CCDC85A: variants seen among roughly 807,000 people sequenced by gnomAD.
The protein encoded by CCDC85A is coiled-coil domain containing 85A.
Under a neutral mutation model 50.2 loss-of-function variants are expected in CCDC85A, and 38 were observed. That is an observed-to-expected ratio of 0.76 (90% CI 0.58 to 0.99). The LOEUF is 0.99. Among genes scored for constraint, CCDC85A ranks in the 50% least tolerant of loss-of-function variants. The pLI is 0.00. For synonymous variants in CCDC85A, 366 were observed against 301.4 expected (o/e 1.21, Z -2.22); for missense variants, 820 against 742.0 (o/e 1.11, Z -1.22).
intron 3 of CCDC85A, among the ~76,000 whole-genome samples, chr2:56,362,627 G>T (rs1297513887): frequency 3.3e-5 from 5 of 151,058 alleles, no homozygotes; most frequent in Admixed American, 3.3e-4. Context: ...ATGAAGTCTC[G>T]CTCTGTTGCC....
At chr2:56,377,942 T>A (rs1676416135) in intron 5 of CCDC85A, among the ~76,000 whole-genome samples, 1 of 152,066 alleles carries the variant, frequency 6.6e-6, no homozygotes, top group Non-Finnish European at 1.5e-5. Flanking sequence ...TTATGTTATA[T>A]TCAGTACACA....
chr2:56,352,817 G>T (rs1397579013), intron 3 of CCDC85A, among the ~76,000 whole-genome samples: 1 of 152,154 alleles, frequency 6.6e-6, no homozygotes, highest in East Asian at 1.9e-4. Context: ...TCAAGAACTA[G>T]TTCTTTGCCT....
At chr2:56,229,269 C>T (rs954114595) in intron 2 of CCDC85A, among the ~76,000 whole-genome samples, 5 of 152,136 alleles carry the variant, frequency 3.3e-5, no homozygotes, top group East Asian at 1.9e-4. Flanking sequence ...CTTAATTATA[C>T]GTGATTAAGA....
At position 56,192,922 on chromosome 2, in the gene CCDC85A, G is replaced by T. The variant is rs532033334; in HGVS notation, c.722G>T (p.Arg241Leu). 1 of 1,611,878 alleles carries T rather than the reference G, an allele frequency of 6.2e-7. No individual in the cohort carries two copies. Residue 241 changes from arginine to leucine, a missense_variant, in exon 2 of 6, where the codon CGG becomes CTG. Arg to Leu is a moderately radical substitution (Grantham distance 102). Transcript: ENST00000407595. The surrounding 1 kb of genome is among the most constrained non-coding windows in gnomAD (Gnocchi z 4.7). The part of the protein sequence containing the change: ...SGSPEHLQKP[R>L]SEGSPEHSKH... ...AGCCCGGAGCACCTGCAGAAGCCCCGGAGCGAGGGCAGCCCGGAGCACTCC... is the reference window on the plus strand; with the variant it reads ...AGCCCGGAGCACCTGCAGAAGCCCCTGAGCGAGGGCAGCCCGGAGCACTCC...
intron 2 of CCDC85A, among the ~76,000 whole-genome samples, chr2:56,336,978 A>G (rs970856837): frequency 6.6e-6 from 1 of 152,208 alleles, no homozygotes; most frequent in African/African-American, 2.4e-5. Flanking sequence ...GAGTAATGAA[A>G]CACAATTGTT....
chr2:56,252,882 C>T (rs1410048207), intron 2 of CCDC85A, among the ~76,000 whole-genome samples: 4 of 151,940 alleles, frequency 2.6e-5, no homozygotes, highest in African/African-American at 7.3e-5. Context: ...ATTCATCCCT[C>T]GGTATTTTTA....
intron 2 of CCDC85A, among the ~76,000 whole-genome samples, chr2:56,316,392 G>A (rs1277164353): frequency 6.6e-6 from 1 of 151,952 alleles, no homozygotes; most frequent in Non-Finnish European, 1.5e-5. Context: ...TTTATACTGG[G>A]TCTGAGGACC....
chr2:56,309,277 C>T lies in CCDC85A; in HGVS notation c.1241-33602C>T, dbSNP rs1425707208. Among the ~76,000 whole-genome samples the T allele has an allele frequency of 2.6e-5, 4 of 152,090 alleles. No individual in the cohort carries two copies. In the East Asian group the frequency reaches 7.7e-4, roughly 29 times the overall value. On this transcript the variant is annotated intron_variant, in intron 2 of 5. Coordinates refer to ENST00000407595, the MANE Select transcript of CCDC85A (RefSeq NM_001080433.2). The stretch of plus-strand genomic sequence containing the variant: ...TCAAATTAGATTTCTTGACATCAGA[C>T]CTAGCTCTTAAATCTAATAAGCAGC...
At chr2:56,224,973 G>A (rs1161724861) in intron 2 of CCDC85A, among the ~76,000 whole-genome samples, 1 of 151,958 alleles carries the variant, frequency 6.6e-6, no homozygotes, top group Non-Finnish European at 1.5e-5. Flanking sequence ...TGCTTTTAAA[G>A]TCATAGCTAA....
At chr2:56,340,159 G>A (rs1413562457) in intron 2 of CCDC85A, among the ~76,000 whole-genome samples, 9 of 152,160 alleles carry the variant, frequency 5.9e-5, no homozygotes, top group Admixed American at 2.6e-4. Flanking sequence ...GAGCTTAATT[G>A]TTGTATTTGT....
chr2:56,215,922 A>G (rs1370641379), intron 2 of CCDC85A, among the ~76,000 whole-genome samples: 1 of 151,954 alleles, frequency 6.6e-6, no homozygotes, highest in East Asian at 1.9e-4. Context: ...CAAGAAAATT[A>G]TGACATTTAA....
At chr2:56,333,315 CTG>C (rs2104298369) in intron 2 of CCDC85A, among the ~76,000 whole-genome samples, 1 of 152,154 alleles carries the variant, frequency 6.6e-6, no homozygotes, top group East Asian at 1.9e-4. Flanking sequence ...AAACATTTGA[CTG>C]GGGACAGAGC....
intron 2 of CCDC85A, among the ~76,000 whole-genome samples, chr2:56,262,049 A>G (rs1332551171): frequency 6.6e-6 from 1 of 152,188 alleles, no homozygotes; most frequent in Admixed American, 6.5e-5. Flanking sequence ...GATGTGTTAT[A>G]GGGCTTTGGA....
chr2:56,249,727 C>T (rs75860723), intron 2 of CCDC85A, among the ~76,000 whole-genome samples: 14,897 of 152,230 alleles, frequency 0.098, 901 homozygotes, highest in Middle Eastern at 0.13. Context: ...GGCTGGTCTC[C>T]CCACATCTGG....
intron 2 of CCDC85A, among the ~76,000 whole-genome samples, chr2:56,258,112 A>G (rs1167499761): frequency 6.6e-6 from 1 of 152,098 alleles, no homozygotes; most frequent in Non-Finnish European, 1.5e-5. Flanking sequence ...TTGGCTTCCG[A>G]GTAGGGAGTG....
intron 2 of CCDC85A, among the ~76,000 whole-genome samples, chr2:56,288,000 G>T (rs963798064): frequency 6.6e-6 from 1 of 152,008 alleles, no homozygotes; most frequent in Non-Finnish European, 1.5e-5. Flanking sequence ...AAGCTTTGGG[G>T]TCTCTTTCCA....
chr2:56,342,950 C>T lies in CCDC85A; in HGVS notation c.1312C>T (p.Pro438Ser), dbSNP rs767220322. 1.6e-5 allele frequency: 26 copies of T among 1,589,966 alleles called. No individual in the cohort carries two copies. Among genetic ancestry groups the T allele is most frequent in the Admixed American group, 1.4e-4 (8 of 57,142 alleles). ...RQLEEENRML[P>S]QASQNRRQPP... Reference sequence around the variant, plus strand: ...GCTGGAGGAAGAAAATCGCATGCTGCCCCAGGTGGGTGACTTCCAGAAGCT... The same window carrying T: ...GCTGGAGGAAGAAAATCGCATGCTGTCCCAGGTGGGTGACTTCCAGAAGCT... The change falls in exon 3 of 6, where the codon CCC becomes TCC. Residue 438 changes from proline (P) to serine (S), a missense_variant. By Grantham distance (74) the Pro-to-Ser change is moderately conservative (BLOSUM62 -1). Transcript: ENST00000407595.
At chr2:56,298,833 G>A in intron 2 of CCDC85A, among the ~76,000 whole-genome samples, 1 of 152,136 alleles carries the variant, frequency 6.6e-6, no homozygotes, top group Non-Finnish European at 1.5e-5. Flanking sequence ...CCTTTGAAAT[G>A]CTGTGATTTT....
At position 56,301,720 on chromosome 2, in the gene CCDC85A, A is replaced by T. The variant is rs183670105; in HGVS notation, c.1241-41159A>T. Among the ~76,000 whole-genome samples, 249 of 152,284 alleles carry T rather than the reference A, an allele frequency of 1.6e-3. 1 individual carries two copies. The highest frequency in any genetic ancestry group is 5.5e-3 in the African/African-American group (229 of 41,572). On this transcript the variant is annotated intron_variant, in intron 2 of 5. Coordinates refer to ENST00000407595, the MANE Select transcript of CCDC85A (RefSeq NM_001080433.2). ...GGAGTTTAAAAGATCAGAAAACCAA[A>T]CACTGCATGTTCTCACTCATAAGTG...
Sources: allele counts gnomAD v4.1 joint callset (sites outside exome capture counted in the v4.1 genomes callset), GRCh38; gene constraint gnomAD v4.1.1; non-coding constraint Gnocchi (gnomAD v3.1); transcripts MANE v1.5; gene names NCBI Gene and HGNC (gene_info 2026-07-23, HGNC 2026-07-21).